CHD6: variants seen among roughly 807,000 people sequenced by gnomAD.
CHD6 encodes the protein chromodomain helicase DNA binding protein 6, also known as ATP-dependent chromatin remodeler CHD6.
CHD6 carries 50 observed loss-of-function variants against 276.9 expected under a neutral mutation model. The ratio of observed to expected loss-of-function variants is 0.18; its 90% CI spans 0.14 to 0.23. The LOEUF (loss-of-function observed/expected upper bound fraction) is 0.23, where lower values mean the gene tolerates loss of function less well. Among genes scored for constraint, CHD6 ranks in the 10% least tolerant of loss-of-function variants. CHD6 has a pLI of 1.00. For synonymous variants in CHD6, 1,173 were observed against 1,229.3 expected, an observed-to-expected ratio of 0.95 and a Z score of 0.96; for missense variants, 2,564 against 3,365.8, an observed-to-expected ratio of 0.76 and a Z score of 5.89.
At chr20:41,432,376 GT>G (rs1229858531) in intron 27 of CHD6, among the ~76,000 whole-genome samples, 4 of 152,084 alleles carry the variant, frequency 2.6e-5, no homozygotes, top group Admixed American at 6.5e-5. Context: ...TGGTAATAGG[GT>G]ACCCCATTCC....
At chr20:41,491,841 A>C (rs768362181) in intron 10 of CHD6, 22 bp from the exon 11 acceptor site, 1 of 1,613,254 alleles carries the variant, frequency 6.2e-7, no homozygotes, top group African/African-American at 1.3e-5. Context: ...AGCAAACAGC[A>C]TAATAGATAG....
intron 5 of CHD6, among the ~76,000 whole-genome samples, chr20:41,510,602 T>C (rs1188777146): frequency 6.6e-6 from 1 of 152,234 alleles, no homozygotes; most frequent in Admixed American, 6.5e-5. Flanking sequence ...GCTACATCCT[T>C]AGAAGAAACA....
chr20:41,417,123 TA>T, intron 32 of CHD6, 74 bp downstream of exon 32: 1 of 1,359,936 alleles, frequency 7.4e-7, no homozygotes, highest in Non-Finnish European at 1.0e-6. Context: ...GAACTATTTC[TA>T]AAAGGGTTAA....
rs1331584889 is a variant in CHD6, at chr20:41,452,598, GTTCT to G, written c.3323+138_3323+141del. ...AGACGGATTCTGGGCAGAAGGCACAGTTCTCTCTTGCTCCAACAGATCCCCCTTT... is the reference window on the plus strand; with the variant it reads ...AGACGGATTCTGGGCAGAAGGCACAGCTCTTGCTCCAACAGATCCCCCTTT... On this transcript the variant is annotated intron_variant, in intron 21 of 36. Transcript: ENST00000373233. This position sits in a 1 kb window ranked among gnomAD's most constrained non-coding sequence, Gnocchi z 4.2. 1.2e-5 allele frequency: 9 copies of G among 723,942 alleles called. No individual in the cohort carries two copies. The highest frequency in any genetic ancestry group is 1.8e-5 in the Non-Finnish European group (8 of 439,242). The allele number at this position is 723,942 out of a possible 1,614,324, so 44.8% of individuals were successfully genotyped here.
chr20:41,441,664 T>C (rs965961686), intron 25 of CHD6, among the ~76,000 whole-genome samples: 1 of 152,128 alleles, frequency 6.6e-6, no homozygotes, highest in African/African-American at 2.4e-5. Flanking sequence ...ATCTGAAGCC[T>C]AGAGACAGAT....
intron 1 of CHD6, among the ~76,000 whole-genome samples, chr20:41,572,045 ATTAT>A (rs1319008241): frequency 6.6e-6 from 1 of 152,156 alleles, no homozygotes. Flanking sequence ...GTACTTAGCT[ATTAT>A]TTAGTCAATA....
chr20:41,471,214 C>T (rs1362601173), intron 17 of CHD6, among the ~76,000 whole-genome samples: 2 of 152,180 alleles, frequency 1.3e-5, no homozygotes, highest in South Asian at 2.1e-4. Context: ...TGATTATATT[C>T]CAATAAAACT....
intron 8 of CHD6, among the ~76,000 whole-genome samples, chr20:41,495,746 TA>T (rs1418081100): frequency 1.3e-5 from 2 of 152,248 alleles, no homozygotes; most frequent in African/African-American, 2.4e-5. Flanking sequence ...ACACCTTAAA[TA>T]TAATTTTTTG....
intron 8 of CHD6, among the ~76,000 whole-genome samples, chr20:41,494,482 G>T (rs1159462994): frequency 6.6e-6 from 1 of 152,126 alleles, no homozygotes; most frequent in Non-Finnish European, 1.5e-5. Context: ...ACAACAAGAA[G>T]CAACATATAG....
intron 35 of CHD6, 109 bp from the exon 36 acceptor site, chr20:41,412,372 G>A: frequency 2.3e-6 from 3 of 1,280,232 alleles, no homozygotes; most frequent in Non-Finnish European, 3.3e-6. Flanking sequence ...ATGGTTGTCT[G>A]CACAGGAGCT....
chr20:41,539,904 T>C (rs1000068173), intron 2 of CHD6, among the ~76,000 whole-genome samples: 25 of 152,224 alleles, frequency 1.6e-4, no homozygotes, highest in African/African-American at 5.8e-4. Flanking sequence ...ATGAAACATG[T>C]CTACATTTGG....
At chr20:41,527,360 G>A (rs2044566402) in intron 3 of CHD6, among the ~76,000 whole-genome samples, 2 of 152,098 alleles carry the variant, frequency 1.3e-5, no homozygotes, top group Admixed American at 1.3e-4. Flanking sequence ...GGTGGAGATT[G>A]CAGTGAGCCG....
In CHD6 at chr20:41,425,171, C is replaced by T; in HGVS notation, c.4346+7G>A. 1.2e-6 allele frequency: 2 copies of T among 1,613,842 alleles called. No individual in the cohort carries two copies. Among genetic ancestry groups the T allele is most frequent in the Non-Finnish European group, 1.7e-6 (2 of 1,179,684 alleles). On this transcript the variant is annotated splice_region_variant and intron_variant, in intron 29 of 36. Coordinates refer to ENST00000373233, the MANE Select transcript of CHD6 (RefSeq NM_032221.5). ...CTGAGCATGCCCCTTTGGCCACTGG[C>T]TTTTACCTCTTTTGGGCTTCCTTGT...
At chr20:41,407,231 G>A (rs2046705036) in intron 36 of CHD6, among the ~76,000 whole-genome samples, 1 of 152,190 alleles carries the variant, frequency 6.6e-6, no homozygotes, top group South Asian at 2.1e-4. Flanking sequence ...AGAGTCTGCA[G>A]AGTGGGGGGT....
intron 30 of CHD6, 83 bp downstream of exon 30, chr20:41,423,409 G>A: frequency 7.6e-7 from 1 of 1,324,268 alleles, no homozygotes; most frequent in Non-Finnish European, 1.1e-6. Flanking sequence ...GTTTTTATAG[G>A]TATACCTAAA....
intron 1 of CHD6, among the ~76,000 whole-genome samples, chr20:41,598,404 G>A (rs2045740496): frequency 6.6e-6 from 1 of 152,112 alleles, no homozygotes; most frequent in South Asian, 2.1e-4. Context: ...GTACCAAGAT[G>A]CAAATGCCTG....
intron 26 of CHD6, among the ~76,000 whole-genome samples, chr20:41,438,608 CA>C (rs374543233): frequency 3.3e-5 from 5 of 151,962 alleles, no homozygotes; most frequent in African/African-American, 1.2e-4. Context: ...AAAAAACCCC[CA>C]AAAAACTGCC....
rs543832470 is a variant in CHD6 at position 41,608,553 on chromosome 20, T to C, written c.-24+9787A>G. ...CGTGGGTTTTCAGGACCCTAATCCT[T>C]GGAGGTTAAGGGAAAAGTCCTATAC... On this transcript the variant is annotated intron_variant, in intron 1 of 36. Coordinates refer to ENST00000373233, the MANE Select transcript of CHD6 (RefSeq NM_032221.5). Among the ~76,000 whole-genome samples, 3 of 152,256 alleles carry C rather than the reference T, an allele frequency of 2.0e-5. No homozygotes were observed. The South Asian group carries it at 6.2e-4, about 32-fold the overall frequency.
intron 5 of CHD6, among the ~76,000 whole-genome samples, chr20:41,506,857 T>C (rs1442558015): frequency 3.9e-5 from 6 of 152,206 alleles, no homozygotes; most frequent in African/African-American, 1.4e-4. Context: ...TGGCATATAG[T>C]AGGTGCTCAA....
Sources: gnomAD v4.1 joint callset for allele counts (sites outside exome capture counted in the v4.1 genomes callset) on GRCh38, gnomAD v4.1.1 for gene constraint, Gnocchi (gnomAD v3.1) non-coding constraint, MANE v1.5 for transcripts, NCBI Gene and HGNC (gene_info 2026-07-23, HGNC 2026-07-21) for gene names.